PCDHGA5: variants seen among roughly 807,000 people sequenced by gnomAD.
PCDHGA5 encodes protocadherin gamma-A5.
Under a neutral mutation model 56.7 loss-of-function variants are expected in PCDHGA5, and 36 were observed. The observed-to-expected ratio is 0.64, with a 90% CI of 0.49 to 0.84. The LOEUF (loss-of-function observed/expected upper bound fraction) is 0.84. Ranked by LOEUF, PCDHGA5 falls within the 40% of genes least tolerant of loss-of-function variation. PCDHGA5 has a pLI of 0.00. For synonymous variants in PCDHGA5, 563 were observed against 520.2 expected (o/e 1.08, Z -1.12); for missense variants, 1,305 against 1,201.5 (o/e 1.09, Z -1.27).
chr5:141,436,406 G>T (rs1403133377), intron 1 of PCDHGA5, among the ~76,000 whole-genome samples: 3 of 152,308 alleles, frequency 2.0e-5, no homozygotes, highest in East Asian at 3.9e-4. Context: ...GTTGTTGAAT[G>T]AATGGATAAA....
At chr5:141,427,266 G>A (rs753905641) in intron 1 of PCDHGA5, 15 of 456,620 alleles carry the variant, frequency 3.3e-5, no homozygotes, top group Non-Finnish European at 5.7e-5. Context: ...CATGACCAGC[G>A]AATGTAAAAT....
rs70988802 is a variant in PCDHGA5 at position 141,450,006 on chromosome 5, C to CTA, written c.2422-44800_2422-44799insAT. ...CACATTGCATTTAGTTGCCATGTCT[C>CTA]TTTTTTTTTTTTTTTTTTGAGACAG... On this transcript the variant is annotated intron_variant, in intron 1 of 3. Coordinates refer to ENST00000518069, the MANE Select transcript of PCDHGA5 (RefSeq NM_018918.3). Among the ~76,000 whole-genome samples the CTA allele has an allele frequency of 6.0e-5, 8 of 132,986 alleles. 1 individual carries two copies. The highest frequency in any genetic ancestry group is 9.5e-5 in the Non-Finnish European group (6 of 62,926). The allele number at this position is 132,986 out of a possible 152,430, so 87.2% of individuals were successfully genotyped here. A position where few individuals can be genotyped will look rare whatever the true frequency, so the allele number is the denominator to read the frequency against.
At chr5:141,394,250 C>T (rs749533197) in intron 1 of PCDHGA5, 15 of 1,613,784 alleles carry the variant, frequency 9.3e-6, no homozygotes, top group Non-Finnish European at 1.0e-5. Flanking sequence ...CACACGACCC[C>T]GACAGCCAGG....
At chr5:141,371,200 T>C in intron 1 of PCDHGA5, 3 of 1,614,034 alleles carry the variant, frequency 1.9e-6, no homozygotes, top group Non-Finnish European at 2.5e-6. Flanking sequence ...GCCATTGACA[T>C]GGATGAGGGC....
At position 141,394,297 on chromosome 5, in the gene PCDHGA5, C is replaced by T. The variant is rs375160983; in HGVS notation, c.2421+27546C>T. 8.1e-6 allele frequency: 13 copies of T among 1,613,872 alleles called. No homozygotes were observed. Among genetic ancestry groups the T allele is most frequent in the African/African-American group, 1.3e-5 (1 of 74,926 alleles). ...GTCACTTACTCTGTGACCGAGGACA[C>T]GCTGCAGGGGGCGCCCCTGTCCTCG... On this transcript the variant is annotated intron_variant, in intron 1 of 3. Coordinates refer to ENST00000518069, the MANE Select transcript of PCDHGA5 (RefSeq NM_018918.3).
At chr5:141,376,517 T>C (rs547172009) in intron 1 of PCDHGA5, 1 of 1,613,950 alleles carries the variant, frequency 6.2e-7, no homozygotes, top group East Asian at 2.2e-5. Flanking sequence ...GGTGAGTTTC[T>C]TTCCGCCTAA....
intron 1 of PCDHGA5, chr5:141,399,606 G>A: frequency 1.2e-6 from 2 of 1,613,956 alleles, no homozygotes; most frequent in Non-Finnish European, 1.7e-6. Context: ...GCGACCTAGA[G>A]CCTCTGGCAC....
At chr5:141,450,815 A>ATTAT (rs1554136868) in intron 1 of PCDHGA5, among the ~76,000 whole-genome samples, 98 of 126,742 alleles carry the variant, frequency 7.7e-4, no homozygotes, top group African/African-American at 3.1e-3. Flanking sequence ...TATTTATTTA[A>ATTAT]TATTATTATT....
intron 1 of PCDHGA5, chr5:141,390,129 T>G (rs1194598931): frequency 6.2e-7 from 1 of 1,613,936 alleles, no homozygotes; most frequent in Non-Finnish European, 8.5e-7. Flanking sequence ...TTTGCCTTAT[T>G]CCTACAATCT....
At chr5:141,382,993 C>G (rs762865747) in intron 1 of PCDHGA5, 2 of 1,613,542 alleles carry the variant, frequency 1.2e-6, no homozygotes, top group East Asian at 2.2e-5. Context: ...AGGACGTATT[C>G]TCTACTCCGT....
chr5:141,400,579 A>G (rs748573702), intron 1 of PCDHGA5: 2 of 1,610,854 alleles, frequency 1.2e-6, no homozygotes, highest in Non-Finnish European at 1.7e-6. Flanking sequence ...TTCTGTATTT[A>G]CATGAAACTA....
Position 141,422,468 on chromosome 5 carries a change from A to T in PCDHGA5, c.2421+55717A>T, listed in dbSNP as rs555211298. On this transcript the variant is annotated intron_variant, in intron 1 of 3. Transcript: ENST00000518069. ...ATAACAAGCAGAGTGCTGGACAGGG[A>T]GTTGGTCCAGAGCTACAATATAACG... 59 of 1,613,640 alleles carry T rather than the reference A, an allele frequency of 3.7e-5. No homozygotes were observed. In the South Asian group the frequency reaches 4.7e-4, roughly 13 times the overall value.
rs530261329 is a variant in PCDHGA5, at chr5:141,440,076, A to G, written c.2422-54731A>G. 2.4e-4 allele frequency: 37 copies of G among 152,560 alleles called. No individual in the cohort carries two copies. In the South Asian group the frequency reaches 3.7e-3, roughly 15 times the overall value. The allele number at this position is 152,560 out of a possible 1,614,324, so 9.5% of individuals were successfully genotyped here. On this transcript the variant is annotated intron_variant, in intron 1 of 3. Coordinates refer to ENST00000518069, the MANE Select transcript of PCDHGA5 (RefSeq NM_018918.3). Reference sequence around the variant, plus strand: ...CTTCGGGTTAATGCTGAGGAATAATACTTCATTCTAAGTGGGGAAAGTGGA... The same window carrying G: ...CTTCGGGTTAATGCTGAGGAATAATGCTTCATTCTAAGTGGGGAAAGTGGA...
chr5:141,409,416 T>G (rs770750853), intron 1 of PCDHGA5: 1 of 1,613,964 alleles, frequency 6.2e-7, no homozygotes, highest in South Asian at 1.1e-5. Flanking sequence ...TACAAACTGG[T>G]GACAGATGGA....
chr5:141,426,371 C>T (rs987346395), intron 1 of PCDHGA5: 4 of 217,048 alleles, frequency 1.8e-5, no homozygotes, highest in African/African-American at 9.0e-5. Context: ...TGCGGGGCAC[C>T]CTCGGAGCAG....
chr5:141,404,928 C>A lies in PCDHGA5; in HGVS notation c.2421+38177C>A, dbSNP rs145718404. The stretch of plus-strand genomic sequence containing the variant: ...CAGCCCCCTCTCTCGGCCACTGTCA[C>A]GCTCACAGTAGCCATAGCTGACAGC... On this transcript the variant is annotated intron_variant, in intron 1 of 3. Coordinates refer to ENST00000518069, the MANE Select transcript of PCDHGA5 (RefSeq NM_018918.3). The A allele has an allele frequency of 1.9e-6, 3 of 1,613,866 alleles. No individual in the cohort carries two copies. In the South Asian group the frequency reaches 3.3e-5, roughly 18 times the overall value.
intron 1 of PCDHGA5, among the ~76,000 whole-genome samples, chr5:141,406,072 C>CTTT (rs530474569): frequency 7.1e-6 from 1 of 141,484 alleles, no homozygotes. Flanking sequence ...ATTCTTACTC[C>CTTT]TTTTTTTTTT....
rs770619389 is a variant in PCDHGA5 at position 141,490,764 on chromosome 5, T to C, written c.2422-4043T>C. On this transcript the variant is annotated intron_variant, in intron 1 of 3. Coordinates refer to ENST00000518069, the MANE Select transcript of PCDHGA5 (RefSeq NM_018918.3). The surrounding 1 kb of genome is among the most constrained non-coding windows in gnomAD (Gnocchi z 5.4). ...GAGCCCCAGCCTCCTCCTTTGTGTA[T>C]GTCAACCCAGAGGATGGACGGATCT... is the stretch of plus-strand genomic sequence containing the variant. 22 of 1,613,970 alleles carry C rather than the reference T, an allele frequency of 1.4e-5. No individual in the cohort carries two copies. Among genetic ancestry groups the C allele is most frequent in the Non-Finnish European group, 1.6e-5 (19 of 1,179,928 alleles).
intron 1 of PCDHGA5, among the ~76,000 whole-genome samples, chr5:141,425,482 C>T (rs1257043728): frequency 6.6e-6 from 1 of 152,192 alleles, no homozygotes; most frequent in Non-Finnish European, 1.5e-5. Context: ...CCTATGGCAA[C>T]CTACTAGGCT....
Sources: gnomAD v4.1 joint callset for allele counts (sites outside exome capture counted in the v4.1 genomes callset) on GRCh38, gnomAD v4.1.1 for gene constraint, Gnocchi (gnomAD v3.1) non-coding constraint, MANE v1.5 for transcripts, NCBI Gene and HGNC (gene_info 2026-07-23, HGNC 2026-07-21) for gene names.